Variants in ERICH3 observed in about 807,000 individuals in gnomAD.
The protein encoded by ERICH3 is glutamate-rich protein 3.
A neutral mutation model predicts 131.1 loss-of-function variants in ERICH3; 126 were observed. The observed-to-expected ratio is 0.96, with a 90% CI of 0.83 to 1.11. The LOEUF is 1.11. Among genes scored for constraint, ERICH3 ranks in the 50% most tolerant of loss-of-function variants. The pLI is 0.00. For missense variants in ERICH3, 2,050 were observed against 1,810.7 expected (o/e 1.13, Z -2.40); for synonymous variants, 695 against 644.6 (o/e 1.08, Z -1.18).
At position 74,661,734 on chromosome 1, in the gene ERICH3, G is replaced by C. The variant is rs61776689; in HGVS notation, c.23+11763C>G. 9.4e-3 allele frequency among the ~76,000 whole-genome samples: 1,438 copies of C among 152,192 alleles called. 13 individuals are homozygous for C. The highest frequency in any genetic ancestry group is 0.016 in the Non-Finnish European group (1,096 of 67,994). On this transcript the variant is annotated intron_variant, in intron 1 of 14. Coordinates refer to ENST00000326665, the MANE Select transcript of ERICH3 (RefSeq NM_001002912.5). ...AAATACACAATAGGTGCCATTCACTGAGTACCTATTATATGTCGATATTTA... is the reference window on the plus strand; with the variant it reads ...AAATACACAATAGGTGCCATTCACTCAGTACCTATTATATGTCGATATTTA...
Position 74,568,379 on chromosome 1 carries a change from G to A in ERICH3, c.*2079C>T, listed in dbSNP as rs1646896220. 6.6e-6 allele frequency: 1 copy of A among 152,000 alleles called. No individual in the cohort carries two copies. The highest frequency in any genetic ancestry group is 1.5e-5 in the Non-Finnish European group (1 of 67,968). 9.4% of individuals were successfully genotyped at this position (152,000 alleles called of 1,614,324 possible). A position where few individuals can be genotyped will look rare whatever the true frequency, so the allele number is the denominator to read the frequency against. On this transcript the variant is annotated 3_prime_UTR_variant, in exon 15 of 15. Transcript: ENST00000326665. ...ATTGTACAAAACTAATTTTTCAATG[G>A]GATTAATACATTTACTATCTTTCCT...
chr1:74,575,836 C>T (rs1361983167), intron 13 of ERICH3, among the ~76,000 whole-genome samples: 1 of 152,108 alleles, frequency 6.6e-6, no homozygotes, highest in Non-Finnish European at 1.5e-5. Flanking sequence ...ATGAACACAA[C>T]ACTATAAGGG....
intron 8 of ERICH3, among the ~76,000 whole-genome samples, chr1:74,613,124 G>A (rs994122195): frequency 1.3e-5 from 2 of 152,152 alleles, no homozygotes; most frequent in Admixed American, 6.5e-5. Flanking sequence ...CTCACAGATT[G>A]GACAAGCTAG....
At chr1:74,578,134 T>C (rs1192715319) in intron 12 of ERICH3, 1 of 152,470 alleles carries the variant, frequency 6.6e-6, no homozygotes, top group African/African-American at 2.4e-5. Flanking sequence ...GTAAATGCTT[T>C]GGCCTAAGCC....
At chr1:74,577,826 G>A (rs562099785) in intron 12 of ERICH3, among the ~76,000 whole-genome samples, 4 of 152,186 alleles carry the variant, frequency 2.6e-5, no homozygotes, top group African/African-American at 9.6e-5. Context: ...TTCTAGGAAC[G>A]TGTGCTATGG....
At position 74,623,120 on chromosome 1, in the gene ERICH3, CAAGT is replaced by C. The variant is rs1387377075; in HGVS notation, c.820-2210_820-2207del. 9 of 152,344 alleles carry C rather than the reference CAAGT, an allele frequency of 5.9e-5. No homozygotes were observed. The East Asian group carries it at 1.5e-3, about 26-fold the overall frequency. The allele number at this position is 152,344 out of a possible 1,614,324, so 9.4% of individuals were successfully genotyped here. On this transcript the variant is annotated intron_variant, in intron 7 of 14. Coordinates refer to ENST00000326665, the MANE Select transcript of ERICH3 (RefSeq NM_001002912.5). The stretch of plus-strand genomic sequence containing the variant: ...GTTTCTCGGCCCTTTCTGCTATCCT[CAAGT>C]AAGTATCAAAACCTTCCATGAAAAT...
intron 12 of ERICH3, among the ~76,000 whole-genome samples, chr1:74,588,858 T>G (rs996017534): frequency 6.6e-5 from 10 of 152,122 alleles, no homozygotes; most frequent in African/African-American, 2.4e-4. Flanking sequence ...CCATGTCAAA[T>G]GAACAATCTT....
intron 7 of ERICH3, chr1:74,621,434 A>C (rs1275438413): frequency 1.3e-5 from 2 of 152,244 alleles, no homozygotes; most frequent in Non-Finnish European, 2.9e-5. Flanking sequence ...GGCTTATTCC[A>C]TCTGAGAGGG....
Position 74,643,020 on chromosome 1 carries a change from T to C in ERICH3, c.315+7A>G. On this transcript the variant is annotated splice_region_variant and intron_variant, in intron 4 of 14. Coordinates refer to ENST00000326665, the MANE Select transcript of ERICH3 (RefSeq NM_001002912.5). ...ATGAAGTAAAAGAGAGTTATATAAC[T>C]CCTTACCTTAAACCTCTGGATTCGC... is the stretch of plus-strand genomic sequence containing the variant. 2 of 1,591,420 alleles carry C rather than the reference T, an allele frequency of 1.3e-6. No individual in the cohort carries two copies. Among genetic ancestry groups the C allele is most frequent in the Non-Finnish European group, 1.7e-6 (2 of 1,163,154 alleles).
At chr1:74,654,022 G>A (rs1036370466) in intron 1 of ERICH3, among the ~76,000 whole-genome samples, 1 of 152,120 alleles carries the variant, frequency 6.6e-6, no homozygotes, top group Non-Finnish European at 1.5e-5. Flanking sequence ...TTTATTATAA[G>A]ATTGCCTTTT....
intron 6 of ERICH3, chr1:74,634,943 T>C (rs1646375032): frequency 2.6e-6 from 1 of 385,246 alleles, no homozygotes; most frequent in African/African-American, 2.1e-5. Flanking sequence ...CTCATTGTGA[T>C]TTGGCTTCTC....
intron 5 of ERICH3, among the ~76,000 whole-genome samples, chr1:74,640,101 C>A (rs963241433): frequency 2.6e-5 from 4 of 152,134 alleles, no homozygotes; most frequent in South Asian, 2.1e-4. Flanking sequence ...ACTCCTACCA[C>A]ATTAAGATCT....
chr1:74,654,093 C>G (rs1204504489), intron 1 of ERICH3, among the ~76,000 whole-genome samples: 1 of 152,128 alleles, frequency 6.6e-6, no homozygotes, highest in Non-Finnish European at 1.5e-5. Context: ...ATGACCTTTA[C>G]CATCTGTATT....
At chr1:74,593,056 G>C (rs767772978) in intron 11 of ERICH3, among the ~76,000 whole-genome samples, 1 of 152,072 alleles carries the variant, frequency 6.6e-6, no homozygotes, top group Non-Finnish European at 1.5e-5. Flanking sequence ...AATTCCATTT[G>C]TTCATGTATT....
chr1:74,589,975 G>C lies in ERICH3; in HGVS notation c.1832C>G (p.Thr611Arg), dbSNP rs1417080156. Residue 611 changes from threonine (T) to arginine (R), a missense_variant, in exon 12 of 15, where the codon ACA becomes AGA. Thr to Arg is a moderately conservative substitution (Grantham distance 71). Transcript: ENST00000326665. ...AGATGACCTTCTGGCACTTTCATCT[G>C]TGCTGCTGTCAGTGTGGGCTTCCCT... ...GDREAHTDSS[T>R]DESARRSSSQ... 3.1e-6 allele frequency: 5 copies of C among 1,613,848 alleles called. No individual in the cohort carries two copies. The highest frequency in any genetic ancestry group is 2.5e-6 in the Non-Finnish European group (3 of 1,179,942).
chr1:74,650,955 G>C (rs749467469), intron 1 of ERICH3, among the ~76,000 whole-genome samples: 2 of 151,880 alleles, frequency 1.3e-5, no homozygotes, highest in Non-Finnish European at 2.9e-5. Flanking sequence ...CAGAGTCAGG[G>C]AGAGGCAGAG....
chr1:74,612,533 A>T, intron 9 of ERICH3, 90 bp downstream of exon 9: 1 of 1,195,286 alleles, frequency 8.4e-7, no homozygotes, highest in Non-Finnish European at 1.1e-6. Context: ...GAATTTCCTT[A>T]ATAATTGTGA....
chr1:74,619,183 G>A (rs986920542), intron 8 of ERICH3, among the ~76,000 whole-genome samples: 2 of 152,114 alleles, frequency 1.3e-5, no homozygotes, highest in African/African-American at 2.4e-5. Context: ...AAATAACACT[G>A]ACTCAAGTGA....
intron 11 of ERICH3, among the ~76,000 whole-genome samples, chr1:74,594,096 T>C (rs868765551): frequency 6.6e-6 from 1 of 152,126 alleles, no homozygotes; most frequent in Non-Finnish European, 1.5e-5. Flanking sequence ...CAGAGTCCAC[T>C]TAAAATATTC....
Sources: allele counts gnomAD v4.1 joint callset (sites outside exome capture counted in the v4.1 genomes callset), GRCh38; gene constraint gnomAD v4.1.1; transcripts MANE v1.5; gene names NCBI Gene and HGNC (gene_info 2026-07-23, HGNC 2026-07-21).